Variants in AKIRIN1 observed in about 807,000 individuals in gnomAD.
AKIRIN1 encodes the protein akirin-1.
A neutral mutation model predicts 25.9 loss-of-function variants in AKIRIN1; 4 were observed. The observed-to-expected ratio is 0.15, with a 90% CI of 0.08 to 0.35. AKIRIN1 has a LOEUF of 0.35. Ranked by LOEUF, AKIRIN1 falls within the 10% of genes least tolerant of loss-of-function variation. The probability of loss-of-function intolerance (pLI) is 1.00; values close to 1 mark genes in which losing one functional copy is unlikely to be tolerated. For missense variants in AKIRIN1, 243 were observed against 266.1 expected, an observed-to-expected ratio of 0.91 and a Z score of 0.61; for synonymous variants, 125 against 105.1, an observed-to-expected ratio of 1.19 and a Z score of -1.16.
intron 1 of AKIRIN1, among the ~76,000 whole-genome samples, chr1:38,994,820 G>C (rs1485412689): frequency 6.6e-6 from 1 of 151,398 alleles, no homozygotes; most frequent in Non-Finnish European, 1.5e-5. Flanking sequence ...CTCCCAGAAC[G>C]CTGGGATTAC....
intron 2 of AKIRIN1, among the ~76,000 whole-genome samples, chr1:38,998,776 C>T (rs569161727): frequency 6.4e-4 from 97 of 151,778 alleles, no homozygotes; most frequent in African/African-American, 2.2e-3. Context: ...CATGGTGGCT[C>T]GCAGCTGTAA....
At chr1:38,997,762 A>G (rs1372062926) in intron 1 of AKIRIN1, among the ~76,000 whole-genome samples, 8 of 152,156 alleles carry the variant, frequency 5.3e-5, no homozygotes, top group African/African-American at 1.7e-4. Context: ...AGGTTGTGAA[A>G]TTGCGAAATT....
rs1644029934 is a variant in AKIRIN1, at chr1:39,005,807, T to G, written c.*1752T>G. 6.6e-6 allele frequency: 1 copy of G among 152,222 alleles called. No homozygotes were observed. The highest frequency in any genetic ancestry group is 2.1e-4 in the South Asian group (1 of 4,832). 9.4% of individuals were successfully genotyped at this position (152,222 alleles called of 1,614,324 possible). On this transcript the variant is annotated 3_prime_UTR_variant, in exon 5 of 5. Transcript: ENST00000432648. Reference sequence around the variant, plus strand: ...CTTTGACTTAAATCTAACCAAAAACTGCAACATTATTCTTTGTACATTTTC... The same window carrying G: ...CTTTGACTTAAATCTAACCAAAAACGGCAACATTATTCTTTGTACATTTTC...
chr1:38,994,858 T>C (rs1643936030), intron 1 of AKIRIN1, among the ~76,000 whole-genome samples: 1 of 151,814 alleles, frequency 6.6e-6, no homozygotes, highest in Admixed American at 6.6e-5. Context: ...CTCAGCTAAT[T>C]TTTGTATTTT....
intron 1 of AKIRIN1, among the ~76,000 whole-genome samples, chr1:38,997,927 A>G (rs1391388282): frequency 6.6e-6 from 1 of 152,198 alleles, no homozygotes; most frequent in Non-Finnish European, 1.5e-5. Context: ...CAAAGTAGCT[A>G]TTCTTTTATG....
intron 1 of AKIRIN1, among the ~76,000 whole-genome samples, chr1:38,993,312 G>C (rs1323308375): frequency 6.6e-6 from 1 of 152,058 alleles, no homozygotes; most frequent in African/African-American, 2.4e-5. Flanking sequence ...ACTTCGGGAG[G>C]CCATGGTGGG....
At chr1:38,997,229 C>A (rs972988247) in intron 1 of AKIRIN1, among the ~76,000 whole-genome samples, 2 of 152,042 alleles carry the variant, frequency 1.3e-5, no homozygotes, top group Non-Finnish European at 2.9e-5. Flanking sequence ...AAAACCACAT[C>A]CTTTTAGATT....
At chr1:38,994,246 T>C (rs942456662) in intron 1 of AKIRIN1, among the ~76,000 whole-genome samples, 41 of 152,300 alleles carry the variant, frequency 2.7e-4, no homozygotes, top group African/African-American at 9.4e-4. Context: ...ATAATGCAAC[T>C]ATTCCACAAT....
At chr1:38,992,367 A>G (rs1209707261) in intron 1 of AKIRIN1, among the ~76,000 whole-genome samples, 1 of 152,166 alleles carries the variant, frequency 6.6e-6, no homozygotes, top group Admixed American at 6.5e-5. Context: ...GCGCAGGAGT[A>G]GAGGGGAGGG....
chr1:39,000,176 C>T (rs963533767), intron 2 of AKIRIN1, among the ~76,000 whole-genome samples: 1 of 151,228 alleles, frequency 6.6e-6, no homozygotes, highest in Non-Finnish European at 1.5e-5. Flanking sequence ...AGCCACCATG[C>T]CTGGCCAGGG....
intron 1 of AKIRIN1, among the ~76,000 whole-genome samples, chr1:38,995,760 C>T (rs774676617): frequency 6.6e-6 from 1 of 152,188 alleles, no homozygotes; most frequent in African/African-American, 2.4e-5. Context: ...AGGGGGCTAG[C>T]GGTGGCTCAC....
chr1:38,991,660 TGGTG>T, intron 1 of AKIRIN1, 60 bp downstream of exon 1: 1 of 99,202 alleles, frequency 1.0e-5, no homozygotes, highest in East Asian at 2.1e-4. Flanking sequence ...TTGGGGGGGG[TGGTG>T]GGGGAGGGTT....
chr1:38,992,771 C>CT (rs947040303), intron 1 of AKIRIN1, among the ~76,000 whole-genome samples: 25 of 152,062 alleles, frequency 1.6e-4, no homozygotes, highest in African/African-American at 6.0e-4. Flanking sequence ...TGTGCCTCTG[C>CT]TTTTTCCCCC....
intron 3 of AKIRIN1, among the ~76,000 whole-genome samples, chr1:39,002,622 C>T (rs182841829): frequency 1.6e-4 from 25 of 151,936 alleles, no homozygotes; most frequent in Middle Eastern, 3.4e-3. Flanking sequence ...CCCAGCTACT[C>T]GGGAGGCTGA....
chr1:39,000,824 T>C, intron 2 of AKIRIN1, 148 bp from the exon 3 acceptor site: 7 of 842,606 alleles, frequency 8.3e-6, no homozygotes, highest in Non-Finnish European at 1.2e-5. Flanking sequence ...GCCCAGCTAA[T>C]TTTGTATTTT....
intron 2 of AKIRIN1, 64 bp from the exon 3 acceptor site, chr1:39,000,908 A>G: frequency 2.0e-6 from 3 of 1,509,678 alleles, no homozygotes; most frequent in South Asian, 1.3e-5. Context: ...TGGCCTCCCA[A>G]AGTGCTGGGA....
chr1:38,993,118 T>C (rs1044367181), intron 1 of AKIRIN1, among the ~76,000 whole-genome samples: 1 of 152,226 alleles, frequency 6.6e-6, no homozygotes, highest in African/African-American at 2.4e-5. Flanking sequence ...CGCTATCTTT[T>C]GTTGAAGAAC....
intron 1 of AKIRIN1, among the ~76,000 whole-genome samples, chr1:38,995,903 G>A (rs189313372): frequency 1.8e-4 from 28 of 152,150 alleles, no homozygotes; most frequent in Non-Finnish European, 2.5e-4. Context: ...GTGTGGTGGC[G>A]GGCTCCTGAA....
chr1:39,001,222 C>A (rs528657581), intron 3 of AKIRIN1, 116 bp downstream of exon 3: 24 of 1,196,280 alleles, frequency 2.0e-5, no homozygotes, highest in African/African-American at 1.6e-5. Flanking sequence ...TATTGAGTTG[C>A]GGGTATGGAA....
Sources: gnomAD v4.1 joint callset for allele counts (sites outside exome capture counted in the v4.1 genomes callset) on GRCh38, gnomAD v4.1.1 for gene constraint, MANE v1.5 for transcripts, NCBI Gene and HGNC (gene_info 2026-07-23, HGNC 2026-07-21) for gene names.